LTBP4: variants seen among roughly 807,000 people sequenced by gnomAD.
LTBP4 encodes the protein latent transforming growth factor beta binding protein 4.
LTBP4 carries 93 observed loss-of-function variants against 180.2 expected under a neutral mutation model. The observed-to-expected ratio is 0.52, with a 90% CI of 0.44 to 0.61. The LOEUF is 0.61. Among genes scored for constraint, LTBP4 ranks in the 20% least tolerant of loss-of-function variants. The probability of loss-of-function intolerance (pLI) is 0.00; values close to 1 mark genes in which losing one functional copy is unlikely to be tolerated. For missense variants in LTBP4, 2,116 were observed against 2,256.5 expected (o/e 0.94, Z 1.26); for synonymous variants, 947 against 934.5 (o/e 1.01, Z -0.24).
rs1178729079 is a variant in LTBP4, at chr19:40,610,581, C to T, written c.1734C>T (p.Cys578=). ...RVPPPCDLGR[C]ENTPGSFLCV... Reference sequence around the variant, plus strand: ...CGCCGCCGTGTGACCTCGGGCGCTGCGAGAACACGCCAGGCAGCTTCCTGT... The same window carrying T: ...CGCCGCCGTGTGACCTCGGGCGCTGTGAGAACACGCCAGGCAGCTTCCTGT... The change falls in exon 12 of 30, where the codon TGC becomes TGT. Residue 578 remains cysteine (C), a synonymous_variant. Transcript: ENST00000396819. The T allele has an allele frequency of 6.3e-7, 1 of 1,590,714 alleles. No homozygotes were observed. The highest frequency in any genetic ancestry group is 8.5e-7 in the Non-Finnish European group (1 of 1,174,850).
In LTBP4 at chr19:40,614,382, C is replaced by A; in HGVS notation, c.2748C>A (p.Gly916=). The A allele has an allele frequency of 6.2e-7, 1 of 1,600,526 alleles. No individual in the cohort carries two copies. The highest frequency in any genetic ancestry group is 8.5e-7 in the Non-Finnish European group (1 of 1,179,796). Residue 916 remains glycine, a synonymous_variant, in exon 19 of 30, where the codon GGC becomes GGA. Transcript: ENST00000396819. The stretch of plus-strand genomic sequence containing the variant: ...CGCAGCGCTGTGAGAACTCTCCCGG[C>A]TCCTACCGCTGTGTCCGGGACTGCG... ...CGSQRCENSP[G]SYRCVRDCDP...
chr19:40,605,646 A>G lies in LTBP4; in HGVS notation c.684A>G (p.Gly228=). Residue 228 remains glycine (G), a synonymous_variant, in exon 3 of 30, where the codon GGA becomes GGG. Coordinates refer to ENST00000396819, the MANE Select transcript of LTBP4 (RefSeq NM_001042545.2). The surrounding 1 kb of genome is among the most constrained non-coding windows in gnomAD (Gnocchi z 5.5). The stretch of plus-strand genomic sequence containing the variant: ...GTTACTGCTTTCGGGAGCTGCGCGG[A>G]GGCGAAGTGAGAGGAGGCCCGTGGG... ...GFGYCFRELR[G]GECASPLPGL... 6.4e-7 allele frequency: 1 copy of G among 1,569,718 alleles called. No individual in the cohort carries two copies. Among genetic ancestry groups the G allele is most frequent in the Non-Finnish European group, 8.6e-7 (1 of 1,158,230 alleles).
At chr19:40,615,377 G>A (rs916822147) in intron 19 of LTBP4, 2 of 152,172 alleles carry the variant, frequency 1.3e-5, no homozygotes, top group Non-Finnish European at 2.9e-5. Flanking sequence ...GTCTGGAAAA[G>A]GTAATAAGAG....
At chr19:40,623,097 T>C in intron 24 of LTBP4, 76 bp downstream of exon 24, 10 of 1,126,214 alleles carry the variant, frequency 8.9e-6, no homozygotes, top group African/African-American at 1.6e-5. Context: ...TCTTTGCCTC[T>C]GTCTCTCACC....
intron 26 of LTBP4, among the ~76,000 whole-genome samples, chr19:40,625,335 G>T (rs2081626270): frequency 1.2e-5 from 1 of 85,144 alleles, no homozygotes; most frequent in Non-Finnish European, 2.2e-5. Context: ...TTTAAAGATG[G>T]GTTTTTGCCA....
rs200036888 is a variant in LTBP4 at position 40,623,657 on chromosome 19, G to A, written c.3610G>A (p.Val1204Met). ...CCAGGTGTGCAAGAGTGGCGTGTGT[G>A]TGAACACGGCCCCGGGCTACTCATG... ...RDQVCKSGVC[V>M]NTAPGYSCYC... The change falls in exon 25 of 30, where the codon GTG becomes ATG. Residue 1204 changes from valine (V) to methionine (M), a missense_variant. By Grantham distance (21) the Val-to-Met change is conservative. Coordinates refer to ENST00000396819, the MANE Select transcript of LTBP4 (RefSeq NM_001042545.2). 1.9e-4 allele frequency: 302 copies of A among 1,613,738 alleles called. No homozygotes were observed. The highest frequency in any genetic ancestry group is 2.2e-5 in the Non-Finnish European group (26 of 1,179,902).
chr19:40,616,354 G>C (rs912053880), intron 19 of LTBP4, among the ~76,000 whole-genome samples: 3 of 150,880 alleles, frequency 2.0e-5, no homozygotes, highest in Non-Finnish European at 4.4e-5. Flanking sequence ...ACTTTGGAAG[G>C]CTGAGGCAGC....
chr19:40,599,155 G>A, upstream of LTBP4: 1 of 1,564,224 alleles, frequency 6.4e-7, no homozygotes, highest in Non-Finnish European at 8.7e-7. Context: ...CAGAGTTCTG[G>A]GGTGCTAGGG....
chr19:40,615,195 G>GGT (rs1555737732), intron 19 of LTBP4: 4 of 125,452 alleles, frequency 3.2e-5, no homozygotes, highest in African/African-American at 1.4e-4. Context: ...TGTGTCGGCG[G>GGT]GGGGGGGGGG....
Position 40,606,615 on chromosome 19 carries a change from A to AC in LTBP4, c.991+96dup, listed in dbSNP as rs894110924. ...ATCCTGGGGCCTTTAATTCCCTCGGACCCCCCCAGACTCCCGGGTTCCTCT... is the reference window on the plus strand; with the variant it reads ...ATCCTGGGGCCTTTAATTCCCTCGGACCCCCCCCAGACTCCCGGGTTCCTCT... On this transcript the variant is annotated intron_variant, in intron 6 of 29. Transcript: ENST00000396819. 7.1e-5 allele frequency: 104 copies of AC among 1,460,948 alleles called. 1 individual carries two copies. Among genetic ancestry groups the AC allele is most frequent in the East Asian group, 6.5e-4 (26 of 39,736 alleles). The allele number at this position is 1,460,948 out of a possible 1,614,324, so 90.5% of individuals were successfully genotyped here.
In LTBP4 at chr19:40,622,707, G is replaced by A; in HGVS notation, c.3484+40G>A. ...ATGGGGACACAGGGCTGAGGGCTTG[G>A]GTGGAAATACTGGGTGGGGTGTGGG... On this transcript the variant is annotated intron_variant, in intron 23 of 29. Coordinates refer to ENST00000396819, the MANE Select transcript of LTBP4 (RefSeq NM_001042545.2). The surrounding 1 kb of genome is among the most constrained non-coding windows in gnomAD (Gnocchi z 5.1). 6.4e-7 allele frequency: 1 copy of A among 1,561,484 alleles called. No individual in the cohort carries two copies. Among genetic ancestry groups the A allele is most frequent in the Non-Finnish European group, 8.7e-7 (1 of 1,154,064 alleles).
rs370767377 is a variant in LTBP4, at chr19:40,627,007, C to T, written c.4018C>T (p.Pro1340Ser). 1,274 of 1,589,642 alleles carry T rather than the reference C, an allele frequency of 8.0e-4. 3 individuals carry two copies. Among genetic ancestry groups the T allele is most frequent in the Non-Finnish European group, 1.0e-3 (1,192 of 1,164,700 alleles). The change falls in exon 28 of 30, where the codon CCC becomes TCC. Residue 1340 changes from proline to serine, a missense_variant. Coordinates refer to ENST00000396819, the MANE Select transcript of LTBP4 (RefSeq NM_001042545.2). ...DFEALCNVLR[P>S]PAYSPPRPGG... ...CGAGGCCCTGTGCAATGTGCTACGC[C>T]CCCCCGCATATAGCCCCCCGCGACC...
In LTBP4 at chr19:40,629,469, C is replaced by A; in HGVS notation, c.4593C>A (p.Gly1531=). 2 of 1,609,874 alleles carry A rather than the reference C, an allele frequency of 1.2e-6. No individual in the cohort carries two copies. The highest frequency in any genetic ancestry group is 1.7e-6 in the Non-Finnish European group (2 of 1,177,546). Reference sequence around the variant, plus strand: ...ACGCGCGTTGCCTCAACACGGATGGCTCCTTCCGCTGCATCTGCCGCCCGG... The same window carrying A: ...ACGCGCGTTGCCTCAACACGGATGGATCCTTCCGCTGCATCTGCCGCCCGG... ...CVNARCLNTD[G]SFRCICRPGF... Residue 1531 remains glycine, a synonymous_variant, in exon 30 of 30, where the codon GGC becomes GGA. Coordinates refer to ENST00000396819, the MANE Select transcript of LTBP4 (RefSeq NM_001042545.2). The surrounding 1 kb of genome is among the most constrained non-coding windows in gnomAD (Gnocchi z 4.5).
rs748060173 is a variant in LTBP4, at chr19:40,617,085, G to A, written c.2945-15G>A. The A allele has an allele frequency of 6.2e-7, 1 of 1,613,988 alleles. No homozygotes were observed. The highest frequency in any genetic ancestry group is 8.5e-7 in the Non-Finnish European group (1 of 1,179,840). On this transcript the variant is annotated splice_polypyrimidine_tract_variant and intron_variant, in intron 20 of 29. Coordinates refer to ENST00000396819, the MANE Select transcript of LTBP4 (RefSeq NM_001042545.2). ...TAGAAGGTCCAGAAATGGCCTGACT[G>A]TCTGGTGGTTGCAGATGTGGACGAA...
intron 1 of LTBP4, among the ~76,000 whole-genome samples, chr19:40,595,905 ATTTTTTTTTTTTTTTTT>A (rs60121587): frequency 3.0e-4 from 18 of 60,058 alleles, no homozygotes; most frequent in Admixed American, 8.2e-4. Context: ...TAATTTTTGG[ATTTTTTTTTTTTTTTTT>A]TTTTTTTTTT....
intron 1 of LTBP4, 62 bp downstream of exon 1, chr19:40,601,699 G>A (rs961293764): frequency 1.7e-6 from 2 of 1,177,534 alleles, no homozygotes; most frequent in African/African-American, 3.2e-5. Context: ...CCCTGGGGAT[G>A]GAGGAGACAG....
intron 11 of LTBP4, 133 bp downstream of exon 11, chr19:40,610,004 G>GC (rs935162347): frequency 7.8e-7 from 1 of 1,275,538 alleles, no homozygotes; most frequent in African/African-American, 1.5e-5. Context: ...CTGGCCCTTG[G>GC]CCCTGCCCTT....
At position 40,627,366 on chromosome 19, in the gene LTBP4, C is replaced by T; in HGVS notation, c.4366+11C>T. The T allele has an allele frequency of 2.0e-6, 3 of 1,487,304 alleles. No homozygotes were observed. Among genetic ancestry groups the T allele is most frequent in the Non-Finnish European group, 2.7e-6 (3 of 1,121,866 alleles). 92.1% of individuals were successfully genotyped at this position (1,487,304 alleles called of 1,614,324 possible). On this transcript the variant is annotated intron_variant, in intron 28 of 29. Coordinates refer to ENST00000396819, the MANE Select transcript of LTBP4 (RefSeq NM_001042545.2). ...GTGGAAGCTATGCTGGTGAGCACTGCCAGCGCATGATGAGACTGAGATGAG... is the reference window on the plus strand; with the variant it reads ...GTGGAAGCTATGCTGGTGAGCACTGTCAGCGCATGATGAGACTGAGATGAG...
chr19:40,595,747 G>C (rs976480224), intron 1 of LTBP4, among the ~76,000 whole-genome samples: 1 of 151,776 alleles, frequency 6.6e-6, no homozygotes, highest in African/African-American at 2.4e-5. Flanking sequence ...TTGAGATAGG[G>C]TCTCACTCTA....
Sources: allele counts gnomAD v4.1 joint callset (sites outside exome capture counted in the v4.1 genomes callset), GRCh38; gene constraint gnomAD v4.1.1; non-coding constraint Gnocchi (gnomAD v3.1); transcripts MANE v1.5; gene names NCBI Gene and HGNC (gene_info 2026-07-23, HGNC 2026-07-21).